Variants in GRIK5 observed in about 807,000 individuals in gnomAD.
The protein encoded by GRIK5 is glutamate receptor ionotropic, kainate 5.
A neutral mutation model predicts 97.4 loss-of-function variants in GRIK5; 43 were observed. That is an observed-to-expected ratio of 0.44 (90% CI 0.35 to 0.57). GRIK5 has a LOEUF of 0.57. Ranked by LOEUF, GRIK5 falls within the 20% of genes least tolerant of loss-of-function variation. The pLI is 0.01. For missense variants in GRIK5, 1,015 were observed against 1,382.0 expected (o/e 0.73, Z 4.21); for synonymous variants, 580 against 583.5 (o/e 0.99, Z 0.09).
intron 12 of GRIK5, among the ~76,000 whole-genome samples, chr19:42,027,130 G>C (rs2075781499): frequency 6.6e-6 from 1 of 152,072 alleles, no homozygotes; most frequent in Admixed American, 6.6e-5. Flanking sequence ...TATTTGTATA[G>C]CGCCCTCCAC....
At chr19:42,048,943 G>A (rs966600701) in intron 11 of GRIK5, among the ~76,000 whole-genome samples, 3 of 151,886 alleles carry the variant, frequency 2.0e-5, no homozygotes, top group Non-Finnish European at 4.4e-5. Flanking sequence ...TCAGGAGGCT[G>A]AGATAGGAGA....
intron 15 of GRIK5, among the ~76,000 whole-genome samples, chr19:42,018,219 G>A (rs2075651187): frequency 6.6e-6 from 1 of 151,272 alleles, no homozygotes; most frequent in Non-Finnish European, 1.5e-5. Context: ...AGCTACTCGG[G>A]AAGCTGAGGC....
intron 12 of GRIK5, among the ~76,000 whole-genome samples, chr19:42,033,673 T>C (rs2075867229): frequency 6.6e-6 from 1 of 152,092 alleles, no homozygotes; most frequent in Non-Finnish European, 1.5e-5. Context: ...TATTTTTATG[T>C]GACATAAATT....
At chr19:42,017,578 G>C (rs1313032888) in intron 15 of GRIK5, among the ~76,000 whole-genome samples, 1 of 152,186 alleles carries the variant, frequency 6.6e-6, no homozygotes, top group Non-Finnish European at 1.5e-5. Context: ...AAAGGCAAAA[G>C]GAACCCACAG....
At chr19:42,061,499 A>T (rs1216133240) in intron 5 of GRIK5, among the ~76,000 whole-genome samples, 1 of 152,140 alleles carries the variant, frequency 6.6e-6, no homozygotes, top group Non-Finnish European at 1.5e-5. Context: ...TTCTTGAAGG[A>T]GGAATTCCTT....
intron 5 of GRIK5, among the ~76,000 whole-genome samples, chr19:42,061,057 TA>T (rs2076252229): frequency 6.6e-6 from 1 of 152,210 alleles, no homozygotes; most frequent in South Asian, 2.1e-4. Context: ...TTTATTTATT[TA>T]TTTTTTTGAG....
chr19:42,063,586 G>A (rs563942778), intron 3 of GRIK5: 41 of 310,486 alleles, frequency 1.3e-4, no homozygotes, highest in Non-Finnish European at 2.0e-4. Context: ...CAGGTCTTTT[G>A]CTACAATTAT....
At position 42,065,029 on chromosome 19, in the gene GRIK5, C is replaced by T. The variant is rs2076310440; in HGVS notation, c.244+194G>A. 6.6e-6 allele frequency among the ~76,000 whole-genome samples: 1 copy of T among 152,222 alleles called. No homozygotes were observed. Among genetic ancestry groups the T allele is most frequent in the Non-Finnish European group, 1.5e-5 (1 of 68,032 alleles). ...GTGCTCCTCCAGAGCAGAACTGGGG[C>T]TTATGCTCTCCCTCCTCTCCAACCC... On this transcript the variant is annotated intron_variant, in intron 3 of 19. Coordinates refer to ENST00000593562, the MANE Select transcript of GRIK5 (RefSeq NM_002088.5). The surrounding 1 kb of genome is among the most constrained non-coding windows in gnomAD (Gnocchi z 5.8).
In GRIK5 at chr19:42,006,910, A is replaced by G; in HGVS notation, c.1872-100T>C. ...GGTGGTGCCCCTCCCAAGTGACCCC[A>G]GCATCTGGAAGACTCAGTGACTGCT... On this transcript the variant is annotated intron_variant, in intron 15 of 19. Transcript: ENST00000593562. The surrounding 1 kb of genome is among the most constrained non-coding windows in gnomAD (Gnocchi z 5.3). The G allele has an allele frequency of 1.3e-6, 1 of 787,772 alleles. No homozygotes were observed. Among genetic ancestry groups the G allele is most frequent in the Non-Finnish European group, 2.0e-6 (1 of 506,728 alleles). The allele number at this position is 787,772 out of a possible 1,614,324, so 48.8% of individuals were successfully genotyped here.
chr19:42,001,823 A>C, intron 19 of GRIK5: 1 of 400,332 alleles, frequency 2.5e-6, no homozygotes, highest in Non-Finnish European at 4.5e-6. Flanking sequence ...TATGATAGCA[A>C]TAGATAACTA....
At chr19:42,008,216 C>T (rs1000488344) in intron 15 of GRIK5, among the ~76,000 whole-genome samples, 1 of 152,228 alleles carries the variant, frequency 6.6e-6, no homozygotes, top group East Asian at 1.9e-4. Context: ...TGAGGTTTCA[C>T]CACGTTGGCA....
chr19:42,054,529 C>A, intron 8 of GRIK5, 57 bp from the exon 9 acceptor site: 1 of 1,579,884 alleles, frequency 6.3e-7, no homozygotes, highest in South Asian at 1.1e-5. Flanking sequence ...GGCAGAGGAG[C>A]CCCAAAGGCC....
At position 42,062,343 on chromosome 19, in the gene GRIK5, C is replaced by G. The variant is rs1318832350; in HGVS notation, c.508+145G>C. The G allele has an allele frequency of 5.5e-6, 4 of 730,338 alleles. No homozygotes were observed. The highest frequency in any genetic ancestry group is 8.9e-6 in the Non-Finnish European group (4 of 450,296). The allele number at this position is 730,338 out of a possible 1,614,324, so 45.2% of individuals were successfully genotyped here. A position where few individuals can be genotyped will look rare whatever the true frequency, so the allele number is the denominator to read the frequency against. On this transcript the variant is annotated intron_variant, in intron 5 of 19. Transcript: ENST00000593562. The surrounding 1 kb of genome is among the most constrained non-coding windows in gnomAD (Gnocchi z 5.3). ...AAGGGGTCTGTAGAACCAGAGGCCT[C>G]GGTTTCTGAAGATGGGAGAAGAGCC... is the stretch of plus-strand genomic sequence containing the variant.
intron 15 of GRIK5, among the ~76,000 whole-genome samples, chr19:42,010,948 G>A (rs1448999132): frequency 6.6e-6 from 1 of 152,040 alleles, no homozygotes; most frequent in Non-Finnish European, 1.5e-5. Flanking sequence ...TGGGACCACA[G>A]GCATGCATCA....
At chr19:42,014,725 GT>G (rs2075604871) in intron 15 of GRIK5, among the ~76,000 whole-genome samples, 3 of 152,084 alleles carry the variant, frequency 2.0e-5, no homozygotes, top group Admixed American at 1.3e-4. Flanking sequence ...GGAGGTTGCA[GT>G]GAGCTGAGAT....
At chr19:42,057,034 G>A in intron 6 of GRIK5, 56 bp from the exon 7 acceptor site, 1 of 1,304,598 alleles carries the variant, frequency 7.7e-7, no homozygotes, top group Non-Finnish European at 1.1e-6. Flanking sequence ...CACAGGCAGA[G>A]ATGGGGAGGA....
chr19:42,059,475 C>T lies in GRIK5; in HGVS notation c.561G>A (p.Thr187=), dbSNP rs1270575498. The change falls in exon 6 of 20, where the codon ACG becomes ACA. Residue 187 remains threonine, a synonymous_variant. Transcript: ENST00000593562. ...TGTCGTCCAACATCCTCACTGACAGCGTCTCCTTGGAGATGAGGAAGCCAC... is the reference window on the plus strand; with the variant it reads ...TGTCGTCCAACATCCTCACTGACAGTGTCTCCTTGGAGATGAGGAAGCCAC... ...LVRGFLISKE[T]LSVRMLDDSR... 10 of 1,613,532 alleles carry T rather than the reference C, an allele frequency of 6.2e-6. No homozygotes were observed. In the East Asian group the frequency reaches 6.7e-5, roughly 11 times the overall value.
At chr19:42,029,094 A>T (rs533923997) in intron 12 of GRIK5, among the ~76,000 whole-genome samples, 1 of 152,048 alleles carries the variant, frequency 6.6e-6, no homozygotes, top group East Asian at 2.0e-4. Context: ...TTTGAGACAG[A>T]GTCTTGCTCT....
rs1268113007 is a variant in GRIK5 at position 42,065,154 on chromosome 19, G to C, written c.244+69C>G. On this transcript the variant is annotated intron_variant, in intron 3 of 19. Coordinates refer to ENST00000593562, the MANE Select transcript of GRIK5 (RefSeq NM_002088.5). The surrounding 1 kb of genome is among the most constrained non-coding windows in gnomAD (Gnocchi z 5.8). Reference sequence around the variant, plus strand: ...AGGACAAGGCCAGGCCAGAGGCCAGGGGCAGAGGGATGGACTGAGGGCCAC... The same window carrying C: ...AGGACAAGGCCAGGCCAGAGGCCAGCGGCAGAGGGATGGACTGAGGGCCAC... The C allele has an allele frequency of 1.4e-5, 19 of 1,397,712 alleles. No homozygotes were observed. Among genetic ancestry groups the C allele is most frequent in the Non-Finnish European group, 1.9e-5 (19 of 1,012,346 alleles). The allele number at this position is 1,397,712 out of a possible 1,614,324, so 86.6% of individuals were successfully genotyped here.
Sources: gnomAD v4.1 joint callset for allele counts (sites outside exome capture counted in the v4.1 genomes callset) on GRCh38, gnomAD v4.1.1 for gene constraint, Gnocchi (gnomAD v3.1) non-coding constraint, MANE v1.5 for transcripts, NCBI Gene and HGNC (gene_info 2026-07-23, HGNC 2026-07-21) for gene names.